Variants in PHC3 observed in about 807,000 individuals in gnomAD.
PHC3 encodes the protein polyhomeotic homolog 3.
In PHC3, 13 loss-of-function variants were observed where a neutral mutation model predicts 107.4. The ratio of observed to expected loss-of-function variants is 0.12; its 90% CI spans 0.08 to 0.19. The LOEUF (loss-of-function observed/expected upper bound fraction) is 0.19. Among genes scored for constraint, PHC3 ranks in the 10% least tolerant of loss-of-function variants. The probability of loss-of-function intolerance (pLI) is 1.00; values close to 1 mark genes in which losing one functional copy is unlikely to be tolerated. For synonymous variants in PHC3, 456 were observed against 427.4 expected (o/e 1.07, Z -0.83); for missense variants, 992 against 1,210.9 (o/e 0.82, Z 2.68).
chr3:170,180,957 T>C (rs937433072), intron 1 of PHC3, among the ~76,000 whole-genome samples: 6 of 152,178 alleles, frequency 3.9e-5, no homozygotes, highest in Admixed American at 1.3e-4. Context: ...TACTAATACC[T>C]GCAAAATACA....
chr3:170,102,568 G>T lies in PHC3; in HGVS notation c.2744C>A (p.Pro915His), dbSNP rs765721043. The change falls in exon 14 of 15, where the codon CCT becomes CAT. Residue 915 changes from proline (P) to histidine (H), a missense_variant. Transcript: ENST00000495893. ...AACTGGTAGCAAGTCACTGTTCTCA[G>T]GCATTTTCCGAATTCTCACATCCCG... ...ELRDVRIRKM[P>H]ENSDLLPVAQ... is the part of the protein sequence containing the mutation. The T allele has an allele frequency of 3.1e-6, 5 of 1,613,716 alleles. No homozygotes were observed. Among genetic ancestry groups the T allele is most frequent in the Non-Finnish European group, 4.2e-6 (5 of 1,179,846 alleles).
intron 8 of PHC3, among the ~76,000 whole-genome samples, chr3:170,124,636 A>AT (rs1720968883): frequency 6.6e-6 from 1 of 152,228 alleles, no homozygotes; most frequent in African/African-American, 2.4e-5. Flanking sequence ...AAGTGCTGGG[A>AT]TTATAGGCAT....
In PHC3 at chr3:170,097,529, G is replaced by C. The variant is rs1002248649; in HGVS notation, c.2834-145C>G. 5.2e-6 allele frequency: 4 copies of C among 763,120 alleles called. No individual in the cohort carries two copies. The highest frequency in any genetic ancestry group is 5.2e-5 in the African/African-American group (3 of 57,268). The allele number at this position is 763,120 out of a possible 1,614,324, so 47.3% of individuals were successfully genotyped here. A position where few individuals can be genotyped will look rare whatever the true frequency, so the allele number is the denominator to read the frequency against. On this transcript the variant is annotated intron_variant, in intron 14 of 14. Transcript: ENST00000495893. This position sits in a 1 kb window ranked among gnomAD's most constrained non-coding sequence, Gnocchi z 4.1. Reference sequence around the variant, plus strand: ...AATGAAATTTATTTATGGTAGTCTTGAGTTCACTCTTGAAGAATAGAGTAT... The same window carrying C: ...AATGAAATTTATTTATGGTAGTCTTCAGTTCACTCTTGAAGAATAGAGTAT...
In PHC3 at chr3:170,164,482, T is replaced by TA. The variant is rs1191899792; in HGVS notation, c.414+6890dup. Among the ~76,000 whole-genome samples, 7 of 152,204 alleles carry TA rather than the reference T, an allele frequency of 4.6e-5. No homozygotes were observed. The South Asian group carries it at 1.0e-3, about 23-fold the overall frequency. On this transcript the variant is annotated intron_variant, in intron 4 of 14. Coordinates refer to ENST00000495893, the MANE Select transcript of PHC3 (RefSeq NM_024947.4). ...CAAATGGATACACGCAAATAACTTTTAAAAAATAAGTAAAATGACAAGAAT... is the reference window on the plus strand; with the variant it reads ...CAAATGGATACACGCAAATAACTTTTAAAAAAATAAGTAAAATGACAAGAAT...
At chr3:170,126,476 T>G (rs958530937) in intron 8 of PHC3, among the ~76,000 whole-genome samples, 29 of 147,622 alleles carry the variant, frequency 2.0e-4, no homozygotes, top group Non-Finnish European at 4.2e-4. Flanking sequence ...ATTTTTGGCT[T>G]TAGTTTTCAA....
intron 11 of PHC3, among the ~76,000 whole-genome samples, chr3:170,107,726 T>C (rs1441520420): frequency 2.0e-5 from 3 of 152,176 alleles, no homozygotes; most frequent in African/African-American, 7.2e-5. Flanking sequence ...CTTTTTTTCA[T>C]CATGCTTTTC....
At chr3:170,136,255 T>C (rs1403099827) in intron 7 of PHC3, 164 bp downstream of exon 7, 1 of 776,376 alleles carries the variant, frequency 1.3e-6, no homozygotes, top group African/African-American at 1.8e-5. Context: ...TTTTGGGCTT[T>C]TTTGTCTCTT....
At chr3:170,149,803 T>C (rs1457990216) in intron 4 of PHC3, 1 of 152,176 alleles carries the variant, frequency 6.6e-6, no homozygotes, top group Non-Finnish European at 1.5e-5. Context: ...ATTTCTAGTA[T>C]CTTAAAATAT....
Position 170,163,861 on chromosome 3 carries a change from C to CAAA in PHC3, c.414+7509_414+7511dup, listed in dbSNP as rs200514068. The stretch of plus-strand genomic sequence containing the variant: ...CTGGGCAACAGTGCAAGACTCTGTC[C>CAAA]AAAAAAAAAAAAAAAAAAAAAAAGG... On this transcript the variant is annotated intron_variant, in intron 4 of 14. Coordinates refer to ENST00000495893, the MANE Select transcript of PHC3 (RefSeq NM_024947.4). 2.1e-3 allele frequency among the ~76,000 whole-genome samples: 177 copies of CAAA among 85,042 alleles called. 2 individuals are homozygous for CAAA. The East Asian group carries it at 0.043, about 21-fold the overall frequency. 55.8% of individuals were successfully genotyped at this position (85,042 alleles called of 152,430 possible). A position where few individuals can be genotyped will look rare whatever the true frequency, so the allele number is the denominator to read the frequency against.
intron 5 of PHC3, 113 bp downstream of exon 5, chr3:170,148,973 C>A: frequency 9.0e-7 from 1 of 1,111,696 alleles, no homozygotes; most frequent in Non-Finnish European, 1.3e-6. Flanking sequence ...TGCACACACA[C>A]ACAATTAAAC....
At chr3:170,181,114 T>G (rs1434853341) in intron 1 of PHC3, among the ~76,000 whole-genome samples, 1 of 152,166 alleles carries the variant, frequency 6.6e-6, no homozygotes, top group Non-Finnish European at 1.5e-5. Flanking sequence ...GGAAAGACCT[T>G]TCTTTCAGGG....
intron 8 of PHC3, among the ~76,000 whole-genome samples, chr3:170,124,427 G>A (rs1353059359): frequency 6.6e-6 from 1 of 152,120 alleles, no homozygotes; most frequent in Non-Finnish European, 1.5e-5. Flanking sequence ...CTGCTGCCCA[G>A]GCTGGAGTGC....
At chr3:170,099,757 C>A (rs1715183020) in intron 14 of PHC3, among the ~76,000 whole-genome samples, 2 of 152,170 alleles carry the variant, frequency 1.3e-5, no homozygotes, top group Admixed American at 6.5e-5. Flanking sequence ...AAAGGTATCA[C>A]CTGCCACTCA....
chr3:170,107,050 C>G (rs906252069), intron 11 of PHC3, 104 bp from the exon 12 acceptor site: 7 of 668,130 alleles, frequency 1.0e-5, no homozygotes, highest in Non-Finnish European at 1.4e-5. Flanking sequence ...AACCAATGGC[C>G]CTTTAACTTT....
chr3:170,168,685 C>T (rs1181876436), intron 4 of PHC3, among the ~76,000 whole-genome samples: 4 of 135,300 alleles, frequency 3.0e-5, no homozygotes, highest in Non-Finnish European at 4.6e-5. Flanking sequence ...ACTCGGGAGG[C>T]GGAGCTTGCG....
At chr3:170,143,934 G>GTA (rs1724519426) in intron 6 of PHC3, among the ~76,000 whole-genome samples, 1 of 151,998 alleles carries the variant, frequency 6.6e-6, no homozygotes, top group Non-Finnish European at 1.5e-5. Context: ...GAATCATAGA[G>GTA]TATGTATCCC....
chr3:170,129,548 T>C lies in PHC3; in HGVS notation c.924A>G (p.Ser308=). The change falls in exon 8 of 15, where the codon TCA becomes TCG. Residue 308 remains serine (S), a synonymous_variant. Transcript: ENST00000495893. The stretch of plus-strand genomic sequence containing the variant: ...GAGAATGAGGCTGAATTGGAGAATA[T>C]GAAGCTGTGAGAGAAAAAAATGACA... The part of the protein sequence containing the change: ...SSIHQLIAPA[S]YSPIQPHSLI... 1.9e-6 allele frequency: 3 copies of C among 1,610,360 alleles called. No individual in the cohort carries two copies. The highest frequency in any genetic ancestry group is 1.7e-6 in the Non-Finnish European group (2 of 1,177,762).
chr3:170,113,636 A>C, intron 10 of PHC3, 117 bp from the exon 11 acceptor site: 2 of 944,074 alleles, frequency 2.1e-6, no homozygotes, highest in Non-Finnish European at 3.1e-6. Context: ...AGTTCAACTG[A>C]TCAGATCCAT....
intron 11 of PHC3, among the ~76,000 whole-genome samples, chr3:170,108,001 T>C (rs757914417): frequency 6.6e-5 from 10 of 152,204 alleles, no homozygotes; most frequent in Non-Finnish European, 1.3e-4. Context: ...TTAAAAGTGA[T>C]AGTTCCATTT....
Sources: allele counts gnomAD v4.1 joint callset (sites outside exome capture counted in the v4.1 genomes callset), GRCh38; gene constraint gnomAD v4.1.1; non-coding constraint Gnocchi (gnomAD v3.1); transcripts MANE v1.5; gene names NCBI Gene and HGNC (gene_info 2026-07-23, HGNC 2026-07-21).